Variants in ANAPC4 observed in about 807,000 individuals in gnomAD.
The protein encoded by ANAPC4 is anaphase promoting complex subunit 4, also known as anaphase-promoting complex subunit 4.
ANAPC4 carries 63 observed loss-of-function variants against 119.8 expected under a neutral mutation model. The observed-to-expected ratio is 0.53, with a 90% CI of 0.43 to 0.65. ANAPC4 has a LOEUF of 0.65. ANAPC4 is among the 30% of genes least tolerant of loss of function. The pLI, the probability that ANAPC4 is intolerant of heterozygous loss-of-function variation, is 0.00. For synonymous variants in ANAPC4, 283 were observed against 318.6 expected (o/e 0.89, Z 1.19); for missense variants, 716 against 945.1 (o/e 0.76, Z 3.18).
chr4:25,406,533 C>T (rs566774652), intron 18 of ANAPC4, among the ~76,000 whole-genome samples: 4 of 152,290 alleles, frequency 2.6e-5, no homozygotes, highest in African/African-American at 9.6e-5. Flanking sequence ...GGGACCTCAG[C>T]ACATGTGGTC....
intron 20 of ANAPC4, among the ~76,000 whole-genome samples, chr4:25,408,505 G>A (rs995062286): frequency 1.3e-5 from 2 of 150,818 alleles, no homozygotes; most frequent in African/African-American, 4.9e-5. Flanking sequence ...AAGCACACAG[G>A]GGCAGATGCA....
Position 25,415,522 on chromosome 4 carries a change from C to G in ANAPC4, c.1883C>G (p.Thr628Arg). ...TTTGGGAGCTTTACATATGCCACAACAGAAAAAGTCAGAAGAAGGTAAGTC... is the reference window on the plus strand; with the variant it reads ...TTTGGGAGCTTTACATATGCCACAAGAGAAAAAGTCAGAAGAAGGTAAGTC... ...IKFGSFTYATTEKVRRSIYSC... is the reference protein window; with the variant it reads ...IKFGSFTYATREKVRRSIYSC... The change falls in exon 26 of 29, where the codon ACA (threonine) becomes AGA (arginine). Residue 628 changes from threonine (T) to arginine (R), a missense_variant. By Grantham distance (71) the Thr-to-Arg change is moderately conservative. This residue lies in a region of ANAPC4 where 504 missense variants were observed against 615.8 expected (regional missense o/e 0.82). Transcript: ENST00000315368. 1 of 1,612,426 alleles carries G rather than the reference C, an allele frequency of 6.2e-7. No individual in the cohort carries two copies. The highest frequency in any genetic ancestry group is 8.5e-7 in the Non-Finnish European group (1 of 1,179,124).
chr4:25,387,688 TA>T lies in ANAPC4; in HGVS notation c.369-811del, dbSNP rs535635727. On this transcript the variant is annotated intron_variant, in intron 4 of 28. Transcript: ENST00000315368. ...AATACTTGCTAAATCACCACTTTTT[TA>T]CTTGCTTACTCATTTATTTCCAACC... 4.5e-3 allele frequency among the ~76,000 whole-genome samples: 255 copies of T among 56,784 alleles called. 1 individual carries two copies. Among genetic ancestry groups the T allele is most frequent in the Middle Eastern group, 0.032 (3 of 94 alleles). The allele number at this position is 56,784 out of a possible 152,430, so 37.3% of individuals were successfully genotyped here.
chr4:25,378,380 T>C (rs1401787270), intron 2 of ANAPC4, among the ~76,000 whole-genome samples: 1 of 152,236 alleles, frequency 6.6e-6, no homozygotes, highest in Non-Finnish European at 1.5e-5. Context: ...GACTGTAGTC[T>C]GCACCATGTT....
At chr4:25,399,628 G>A (rs779577797) in intron 16 of ANAPC4, among the ~76,000 whole-genome samples, 4 of 151,926 alleles carry the variant, frequency 2.6e-5, no homozygotes, top group East Asian at 1.9e-4. Flanking sequence ...TGTTAATTTC[G>A]GCCACCCTGT....
chr4:25,413,709 G>A lies in ANAPC4; in HGVS notation c.1590G>A (p.Glu530=), dbSNP rs1422953665. The part of the protein sequence containing the change: ...KSLHFVKRRM[E]NIIDQCLQKP... Reference sequence around the variant, plus strand: ...TGCATTTTGTGAAAAGGCGGATGGAGAATATTATTGATCAGTGTTTGCAAA... The same window carrying A: ...TGCATTTTGTGAAAAGGCGGATGGAAAATATTATTGATCAGTGTTTGCAAA... Residue 530 remains glutamate (E), a synonymous_variant, in exon 22 of 29, where the codon GAG becomes GAA. Transcript: ENST00000315368. The A allele has an allele frequency of 1.9e-6, 3 of 1,613,274 alleles. No individual in the cohort carries two copies. Among genetic ancestry groups the A allele is most frequent in the East Asian group, 4.5e-5 (2 of 44,850 alleles).
intron 9 of ANAPC4, 78 bp downstream of exon 9, chr4:25,391,093 A>C: frequency 2.7e-4 from 294 of 1,079,700 alleles, no homozygotes; most frequent in Non-Finnish European, 3.6e-4. Context: ...TCCACATCTC[A>C]CTGTATTGTA....
intron 17 of ANAPC4, among the ~76,000 whole-genome samples, chr4:25,404,455 A>T (rs2109134998): frequency 6.6e-6 from 1 of 152,264 alleles, no homozygotes; most frequent in Non-Finnish European, 1.5e-5. Flanking sequence ...ACACATTCTA[A>T]CTGTAGTAAG....
chr4:25,409,703 G>A lies in ANAPC4; in HGVS notation c.1437G>A (p.Leu479=). 1 of 1,607,396 alleles carries A rather than the reference G, an allele frequency of 6.2e-7. No homozygotes were observed. The highest frequency in any genetic ancestry group is 8.5e-7 in the Non-Finnish European group (1 of 1,175,128). Residue 479 remains leucine, a synonymous_variant, in exon 21 of 29, where the codon TTG becomes TTA. Transcript: ENST00000315368. ...TTCTAATTCTGTATTTCTAGTACTT[G>A]AAAGATGAAGATGATGATCTTGTGT... The part of the protein sequence containing the change: ...YFNVERVGQY[L]KDEDDDLVSP...
At chr4:25,394,287 A>T (rs759196412) in intron 11 of ANAPC4, 23 bp from the exon 12 acceptor site, 3 of 1,545,278 alleles carry the variant, frequency 1.9e-6, no homozygotes, top group Non-Finnish European at 2.6e-6. Flanking sequence ...ATATATCACA[A>T]TTTTTTTTTC....
At chr4:25,394,791 C>G in intron 13 of ANAPC4, 38 bp from the exon 14 acceptor site, 1 of 1,596,976 alleles carries the variant, frequency 6.3e-7, no homozygotes, top group African/African-American at 1.4e-5. Context: ...ATATAATATC[C>G]TGATTGTATG....
chr4:25,409,740 ACAGAAG>A lies in ANAPC4; in HGVS notation c.1475_1480del (p.Thr492_Gly494delinsArg), dbSNP rs770594797. The A allele has an allele frequency of 5.6e-6, 9 of 1,613,436 alleles. No individual in the cohort carries two copies. The highest frequency in any genetic ancestry group is 3.3e-4 in the Middle Eastern group (2 of 6,056). On this transcript the variant is annotated inframe_deletion, in exon 21 of 29. Coordinates refer to ENST00000315368, the MANE Select transcript of ANAPC4 (RefSeq NM_013367.3). ...TGATGATCTTGTGTCACCCCCTAAC[ACAGAAG>A]GAAACCAGTGGTATGACTTTCTTCA...
chr4:25,394,339 T>G lies in ANAPC4; in HGVS notation c.906T>G (p.Asp302Glu). 6.3e-7 allele frequency: 1 copy of G among 1,586,916 alleles called. No individual in the cohort carries two copies. The change falls in exon 12 of 29, where the codon GAT becomes GAG. Residue 302 changes from aspartate to glutamate, a missense_variant. Coordinates refer to ENST00000315368, the MANE Select transcript of ANAPC4 (RefSeq NM_013367.3). ...AGAACACAACCACATCAGTGCAAGA[T>G]GAGTTCATGCACTTGCTATTATGGG... ...QEKNTTTSVQ[D>E]EFMHLLLWGK...
chr4:25,409,382 C>T (rs1329480280), intron 20 of ANAPC4, among the ~76,000 whole-genome samples: 1 of 152,158 alleles, frequency 6.6e-6, no homozygotes, highest in Non-Finnish European at 1.5e-5. Context: ...CTTGACTAAA[C>T]AAACTACCAA....
At chr4:25,395,075 ATAATAATTCTGCTT>A in intron 14 of ANAPC4, 170 bp downstream of exon 14, 1 of 551,970 alleles carries the variant, frequency 1.8e-6, no homozygotes, top group Non-Finnish European at 3.2e-6. Context: ...GAAAGAGTCA[ATAATAATTCTGCTT>A]TATGAAGTAA....
chr4:25,395,772 T>A (rs1281832821), intron 14 of ANAPC4, among the ~76,000 whole-genome samples: 1 of 152,158 alleles, frequency 6.6e-6, no homozygotes, highest in Non-Finnish European at 1.5e-5. Flanking sequence ...AATTTTGGTA[T>A]ATTCCTTTAT....
Position 25,383,258 on chromosome 4 carries a change from T to C in ANAPC4, c.236-3T>C. The C allele has an allele frequency of 1.9e-6, 3 of 1,585,162 alleles. 1 individual carries two copies. The highest frequency in any genetic ancestry group is 2.4e-5 in the South Asian group (2 of 84,084). Reference sequence around the variant, plus strand: ...TTATTCTGATTGTTTTTTCTTGTTTTAGTTTTGGCCTTTGCTCTTGCTGAT... The same window carrying C: ...TTATTCTGATTGTTTTTTCTTGTTTCAGTTTTGGCCTTTGCTCTTGCTGAT... On this transcript the variant is annotated splice_polypyrimidine_tract_variant and splice_region_variant and intron_variant, in intron 3 of 28. Coordinates refer to ENST00000315368, the MANE Select transcript of ANAPC4 (RefSeq NM_013367.3).
At chr4:25,387,891 C>G (rs116567145) in intron 4 of ANAPC4, among the ~76,000 whole-genome samples, 5,272 of 152,098 alleles carry the variant, frequency 0.035, 303 homozygotes, top group African/African-American at 0.12. Context: ...AATCCTAGCA[C>G]TTTGGGAGGC....
At chr4:25,394,039 T>A (rs1722501758) in intron 11 of ANAPC4, 148 bp downstream of exon 11, 3 of 740,562 alleles carry the variant, frequency 4.1e-6, no homozygotes, top group Non-Finnish European at 6.4e-6. Flanking sequence ...TCAAACTGCT[T>A]CCTCAGATTT....
Sources: gnomAD v4.1 joint callset for allele counts (sites outside exome capture counted in the v4.1 genomes callset) on GRCh38, gnomAD v4.1.1 for gene constraint, gnomAD v4.1.1 regional missense constraint, MANE v1.5 for transcripts, NCBI Gene and HGNC (gene_info 2026-07-23, HGNC 2026-07-21) for gene names.